The following PTPRO variants were observed in gnomAD, a reference collection of about 807,000 sequenced individuals.
PTPRO encodes protein tyrosine phosphatase receptor type O.
In PTPRO, 62 loss-of-function variants were observed where a neutral mutation model predicts 145.2. The ratio of observed to expected loss-of-function variants is 0.43; its 90% CI spans 0.35 to 0.53. The LOEUF (loss-of-function observed/expected upper bound fraction) is 0.53. PTPRO is among the 20% of genes least tolerant of loss of function. The probability of loss-of-function intolerance (pLI) is 0.01; values close to 1 mark genes in which losing one functional copy is unlikely to be tolerated. For missense variants in PTPRO, 1,345 were observed against 1,482.7 expected (o/e 0.91, Z 1.53); for synonymous variants, 565 against 514.7 (o/e 1.10, Z -1.32).
intron 1 of PTPRO, among the ~76,000 whole-genome samples, chr12:15,471,572 T>C (rs1199915383): frequency 2.6e-5 from 4 of 152,234 alleles, no homozygotes; most frequent in South Asian, 2.1e-4. Context: ...ACAGAGTAAG[T>C]ATGATGTAAG....
At position 15,557,336 on chromosome 12, in the gene PTPRO, C is replaced by G. The variant is rs10846209; in HGVS notation, c.2559-119C>G. 329,610 of 991,106 alleles carry G rather than the reference C, an allele frequency of 0.33. 57,701 individuals are homozygous for G. Among genetic ancestry groups the G allele is most frequent in the Middle Eastern group, 0.43 (1,887 of 4,340 alleles). The allele number at this position is 991,106 out of a possible 1,614,324, so 61.4% of individuals were successfully genotyped here. The stretch of plus-strand genomic sequence containing the variant: ...TGAGCCACCGCACCTGGCCTAGCTT[C>G]TTCTTTTTTTTAATTTAATGCTGTG... On this transcript the variant is annotated intron_variant, in intron 15 of 26. Transcript: ENST00000281171.
At position 15,501,823 on chromosome 12, in the gene PTPRO, A is replaced by G. The variant is rs1942227565; in HGVS notation, c.865A>G (p.Ser289Gly). Residue 289 changes from serine to glycine, a missense_variant, in exon 5 of 27, where the codon AGT becomes GGT. Ser to Gly is a moderately conservative substitution (Grantham distance 56). This residue lies in a region of PTPRO where 1,130 missense variants were observed against 1,214.7 expected (regional missense o/e 0.93). Coordinates refer to ENST00000281171, the MANE Select transcript of PTPRO (RefSeq NM_030667.3). ...ISSGWPDFNS[S>G]DYETTSQPYW... ...TTCCGGTTGGCCTGATTTTAATAGC[A>G]GTGACTATGAAACTACGTCTCAGCC... 1.2e-6 allele frequency: 2 copies of G among 1,613,950 alleles called. No homozygotes were observed. Among genetic ancestry groups the G allele is most frequent in the Non-Finnish European group, 1.7e-6 (2 of 1,179,982 alleles).
At chr12:15,483,171 T>C (rs898251122) in intron 1 of PTPRO, among the ~76,000 whole-genome samples, 1 of 152,108 alleles carries the variant, frequency 6.6e-6, no homozygotes, top group Admixed American at 6.6e-5. Context: ...CCCAAGCACA[T>C]GGTACAAAGT....
At chr12:15,555,736 T>C (rs191935239) in intron 15 of PTPRO, among the ~76,000 whole-genome samples, 1 of 152,212 alleles carries the variant, frequency 6.6e-6, no homozygotes, top group Non-Finnish European at 1.5e-5. Flanking sequence ...TCATTTTTCA[T>C]GCTATGATCC....
At chr12:15,440,926 C>A (rs1458120044) in intron 1 of PTPRO, among the ~76,000 whole-genome samples, 1 of 152,086 alleles carries the variant, frequency 6.6e-6, no homozygotes. Context: ...GGGTCTTCAA[C>A]CCCCAACTGA....
intron 1 of PTPRO, among the ~76,000 whole-genome samples, chr12:15,370,329 T>C (rs1203419908): frequency 6.6e-6 from 1 of 151,974 alleles, no homozygotes; most frequent in Non-Finnish European, 1.5e-5. Context: ...ATACAGCTGT[T>C]AATACCAATT....
chr12:15,524,928 T>C lies in PTPRO; in HGVS notation c.2006T>C (p.Met669Thr). 1.2e-6 allele frequency: 2 copies of C among 1,614,078 alleles called. No homozygotes were observed. The highest frequency in any genetic ancestry group is 1.7e-6 in the Non-Finnish European group (2 of 1,179,964). ...TCCCATTCTAGAATGCTTCACTGGA[T>C]GGTGGTTGCAGAAGGAAAAAAGAAA... ...DLSHSRMLHW[M>T]VVAEGKKKIK... Residue 669 changes from methionine (M) to threonine (T), a missense_variant, in exon 11 of 27, where the codon ATG (methionine) becomes ACG (threonine). Physicochemically the swap from Met to Thr is moderately conservative, Grantham distance 81. Around this residue, in one of 3 missense-constraint regions of PTPRO, gnomAD observed 1,130 missense variants for 1,214.7 expected, o/e 0.93. Transcript: ENST00000281171.
At chr12:15,470,017 G>C (rs1016593733) in intron 1 of PTPRO, among the ~76,000 whole-genome samples, 2 of 152,140 alleles carry the variant, frequency 1.3e-5, no homozygotes, top group Admixed American at 1.3e-4. Flanking sequence ...GAATAAAAGT[G>C]AGAGACTGTC....
At position 15,475,239 on chromosome 12, in the gene PTPRO, C is replaced by T. The variant is rs1941628842; in HGVS notation, c.76-8735C>T. Reference sequence around the variant, plus strand: ...ATAGAGAAAGAATTCTTCATAATTACATATTTGATGCTTATGAACTTATTG... The same window carrying T: ...ATAGAGAAAGAATTCTTCATAATTATATATTTGATGCTTATGAACTTATTG... On this transcript the variant is annotated intron_variant, in intron 1 of 26. Transcript: ENST00000281171. Among the ~76,000 whole-genome samples the T allele has an allele frequency of 1.3e-5, 2 of 152,196 alleles. 1 individual carries two copies. Among genetic ancestry groups the T allele is most frequent in the South Asian group, 4.1e-4 (2 of 4,826 alleles).
chr12:15,356,469 T>C (rs1937991957), intron 1 of PTPRO, among the ~76,000 whole-genome samples: 1 of 152,172 alleles, frequency 6.6e-6, no homozygotes. Context: ...TAGTAATGCC[T>C]ATAAATGGAG....
At chr12:15,447,559 G>GAAAACCA (rs1181227988) in intron 1 of PTPRO, among the ~76,000 whole-genome samples, 1 of 152,054 alleles carries the variant, frequency 6.6e-6, no homozygotes, top group East Asian at 1.9e-4. Flanking sequence ...GATTAAAAAA[G>GAAAACCA]AAAACCAATC....
chr12:15,379,365 CA>C (rs144784597), intron 1 of PTPRO, among the ~76,000 whole-genome samples: 20,819 of 110,882 alleles, frequency 0.19, 3,113 homozygotes, highest in African/African-American at 0.44. Flanking sequence ...ACTAAAAATA[CA>C]AAAAAAAAAA....
chr12:15,540,550 C>T (rs1943160817), intron 12 of PTPRO, among the ~76,000 whole-genome samples: 1 of 152,190 alleles, frequency 6.6e-6, no homozygotes, highest in South Asian at 2.1e-4. Context: ...ATTCTCTAGG[C>T]AGCTAAATTA....
At chr12:15,515,946 GTTGT>G (rs1942568149) in intron 8 of PTPRO, among the ~76,000 whole-genome samples, 1 of 142,928 alleles carries the variant, frequency 7.0e-6, no homozygotes, top group African/African-American at 2.6e-5. Context: ...GAGCCCAGAA[GTTGT>G]TTGTTTTTTT....
chr12:15,360,658 G>T (rs1938147049), intron 1 of PTPRO, among the ~76,000 whole-genome samples: 1 of 150,784 alleles, frequency 6.6e-6, no homozygotes, highest in East Asian at 2.0e-4. Context: ...TACATATAGA[G>T]ATACTAAATC....
intron 1 of PTPRO, among the ~76,000 whole-genome samples, chr12:15,389,656 C>T (rs1333884922): frequency 2.0e-5 from 3 of 152,174 alleles, no homozygotes; most frequent in Non-Finnish European, 4.4e-5. Context: ...CCAATCCCAT[C>T]CTTTCACCTT....
At chr12:15,488,890 G>A (rs569829625) in intron 2 of PTPRO, among the ~76,000 whole-genome samples, 72 of 152,236 alleles carry the variant, frequency 4.7e-4, no homozygotes, top group South Asian at 1.0e-3. Flanking sequence ...TTCTCAGCAC[G>A]TAAAAGGATG....
At chr12:15,568,417 G>A (rs1381528038) in intron 18 of PTPRO, among the ~76,000 whole-genome samples, 1 of 150,418 alleles carries the variant, frequency 6.6e-6, no homozygotes, top group Non-Finnish European at 1.5e-5. Context: ...GTGACAGAGT[G>A]AGACTCTGTC....
At chr12:15,483,757 C>G (rs866222673) in intron 1 of PTPRO, among the ~76,000 whole-genome samples, 2 of 151,932 alleles carry the variant, frequency 1.3e-5, no homozygotes, top group African/African-American at 4.8e-5. Flanking sequence ...AAAGTAAAAC[C>G]CTGAGAAGAT....
Sources: gnomAD v4.1 joint callset for allele counts (sites outside exome capture counted in the v4.1 genomes callset) on GRCh38, gnomAD v4.1.1 for gene constraint, gnomAD v4.1.1 regional missense constraint, MANE v1.5 for transcripts, NCBI Gene and HGNC (gene_info 2026-07-23, HGNC 2026-07-21) for gene names.